Variants in PHF24 observed in about 807,000 individuals in gnomAD.
PHF24 encodes the protein PHD finger protein 24, also known as Galpha inhibitory interacting protein.
PHF24 carries 25 observed loss-of-function variants against 42.6 expected under a neutral mutation model. The ratio of observed to expected loss-of-function variants is 0.59; its 90% CI spans 0.43 to 0.82. The LOEUF is 0.82. Ranked by LOEUF, PHF24 falls within the 40% of genes least tolerant of loss-of-function variation. PHF24 has a pLI of 0.00. For synonymous variants in PHF24, 185 were observed against 204.8 expected, an observed-to-expected ratio of 0.90 and a Z score of 0.83; for missense variants, 470 against 538.1, an observed-to-expected ratio of 0.87 and a Z score of 1.25.
chr9:34,942,878 AT>A, the PHF24 span, among the ~76,000 whole-genome samples: 1 of 152,176 alleles, frequency 6.6e-6, no homozygotes, highest in East Asian at 1.9e-4. Context: ...GAGGCATAGC[AT>A]TAGGAGAAAT....
At chr9:34,917,542 C>T in the PHF24 span, 62 of 775,372 alleles carry the variant, frequency 8.0e-5, no homozygotes, top group Middle Eastern at 3.4e-4. Context: ...GGATAATCGA[C>T]GTGATGAGCA....
At chr9:34,977,195 A>C in exon 6 of PHF24, 1 of 1,613,174 alleles carries the variant, frequency 6.2e-7, no homozygotes, top group South Asian at 1.1e-5. Context: ...CGGGCCCAGC[A>C]CTCTTGGTTT....
chr9:34,707,330 G>A, the PHF24 span, among the ~76,000 whole-genome samples: 1 of 152,168 alleles, frequency 6.6e-6, no homozygotes, highest in South Asian at 2.1e-4. Flanking sequence ...TGGTGTAGGA[G>A]GCAGGTAGGA....
At chr9:34,836,460 A>C in the PHF24 span, among the ~76,000 whole-genome samples, 1 of 152,214 alleles carries the variant, frequency 6.6e-6, no homozygotes, top group African/African-American at 2.4e-5. Flanking sequence ...CCCGAAGTCT[A>C]GTTTTCAGTA....
upstream of PHF24, among the ~76,000 whole-genome samples, chr9:34,954,859 A>C (rs1479639021): frequency 6.6e-6 from 1 of 152,230 alleles, no homozygotes; most frequent in Non-Finnish European, 1.5e-5. Flanking sequence ...TGTCTCAAAA[A>C]GCAAAAACAA....
At chr9:34,849,123 G>T in the PHF24 span, among the ~76,000 whole-genome samples, 22 of 152,246 alleles carry the variant, frequency 1.4e-4, no homozygotes, top group South Asian at 6.2e-4. Flanking sequence ...AGGTCCGCTT[G>T]GTGCAGAGCT....
chr9:34,962,425 CT>C (rs34187583), intron 1 of PHF24, among the ~76,000 whole-genome samples: 10 of 148,712 alleles, frequency 6.7e-5, no homozygotes, highest in East Asian at 2.0e-4. Flanking sequence ...CAAGCAACAC[CT>C]TTTTTTTTTC....
the PHF24 span, among the ~76,000 whole-genome samples, chr9:34,715,126 A>G: frequency 2.6e-5 from 4 of 152,070 alleles, no homozygotes; most frequent in Non-Finnish European, 4.4e-5. Context: ...TGAAGGAAGC[A>G]GTAGGGGCTT....
At chr9:34,671,065 C>T in the PHF24 span, among the ~76,000 whole-genome samples, 1 of 152,192 alleles carries the variant, frequency 6.6e-6, no homozygotes, top group Admixed American at 6.5e-5. Context: ...CTTCCTGGCC[C>T]AGCCAGCACT....
At chr9:34,801,055 G>GA in the PHF24 span, among the ~76,000 whole-genome samples, 4 of 152,042 alleles carry the variant, frequency 2.6e-5, no homozygotes, top group Non-Finnish European at 5.9e-5. Context: ...ACAAACATGT[G>GA]AAAAAAAGCA....
At chr9:34,767,803 C>T in the PHF24 span, among the ~76,000 whole-genome samples, 1 of 152,260 alleles carries the variant, frequency 6.6e-6, no homozygotes, top group Admixed American at 6.5e-5. Context: ...GCGTCGCTCA[C>T]GCTGGGAGCT....
At chr9:34,681,486 T>C in the PHF24 span, among the ~76,000 whole-genome samples, 1 of 152,312 alleles carries the variant, frequency 6.6e-6, no homozygotes, top group Non-Finnish European at 1.5e-5. Context: ...AATGTGACTG[T>C]ATCTGAAGAT....
At chr9:34,911,199 T>A in the PHF24 span, among the ~76,000 whole-genome samples, 3 of 152,278 alleles carry the variant, frequency 2.0e-5, no homozygotes, top group South Asian at 6.2e-4. Context: ...AAAAAAACTA[T>A]AAAGTTGTCT....
chr9:34,886,818 G>C, the PHF24 span, among the ~76,000 whole-genome samples: 45 of 129,366 alleles, frequency 3.5e-4, no homozygotes, highest in African/African-American at 1.3e-3. Flanking sequence ...ATCTATCTAT[G>C]TATCTATGTA....
chr9:34,887,642 A>T, the PHF24 span, among the ~76,000 whole-genome samples: 3 of 152,008 alleles, frequency 2.0e-5, no homozygotes, highest in Non-Finnish European at 4.4e-5. Flanking sequence ...TGACATTTTA[A>T]TTTCCTAGTG....
the PHF24 span, among the ~76,000 whole-genome samples, chr9:34,913,517 C>T: frequency 8.3e-3 from 1,268 of 152,260 alleles, 11 homozygotes; most frequent in African/African-American, 0.029. Flanking sequence ...GAAATGCTAT[C>T]ATTTTATTAT....
At chr9:34,746,419 A>G in the PHF24 span, among the ~76,000 whole-genome samples, 1 of 152,208 alleles carries the variant, frequency 6.6e-6, no homozygotes, top group Non-Finnish European at 1.5e-5. Context: ...TAAACAAAAG[A>G]TTACCAAACT....
At chr9:34,764,345 G>C in the PHF24 span, among the ~76,000 whole-genome samples, 12 of 129,642 alleles carry the variant, frequency 9.3e-5, no homozygotes, top group African/African-American at 3.5e-4. Flanking sequence ...TTTTTGGTTG[G>C]TAAGCTATTG....
chr9:34,948,087 T>C, the PHF24 span, among the ~76,000 whole-genome samples: 2 of 144,522 alleles, frequency 1.4e-5, no homozygotes, highest in Admixed American at 7.2e-5. Context: ...CCAGCCTGGG[T>C]GACAAGAGCG....
Sources: allele counts gnomAD v4.1 joint callset (sites outside exome capture counted in the v4.1 genomes callset), GRCh38; gene constraint gnomAD v4.1.1; transcripts MANE v1.5; gene names NCBI Gene and HGNC (gene_info 2026-07-23, HGNC 2026-07-21).